Variants in TAFA2 observed in about 807,000 individuals in gnomAD.
The protein encoded by TAFA2 is TAFA chemokine like family member 2.
Under a neutral mutation model 18.8 loss-of-function variants are expected in TAFA2, and 7 were observed. The observed-to-expected ratio is 0.37, with a 90% CI of 0.21 to 0.70. TAFA2 has a LOEUF of 0.70. TAFA2 is among the 30% of genes least tolerant of loss of function. TAFA2 has a pLI of 0.53. For synonymous variants in TAFA2, 60 were observed against 54.2 expected (o/e 1.11, Z -0.47); for missense variants, 122 against 158.1 (o/e 0.77, Z 1.23).
chr12:61,895,567 GA>G (rs1185976730), intron 1 of TAFA2, among the ~76,000 whole-genome samples: 3 of 152,154 alleles, frequency 2.0e-5, no homozygotes, highest in Non-Finnish European at 4.4e-5. Context: ...GAGTTGGAGA[GA>G]ACAGTTCACA....
At position 62,235,879 on chromosome 12, in the gene TAFA2, G is replaced by A. The variant is rs144297877; in HGVS notation, c.-130+22884C>T. Among the ~76,000 whole-genome samples the A allele has an allele frequency of 3.6e-4, 55 of 151,896 alleles. No homozygotes were observed. The East Asian group carries it at 7.8e-3, about 21-fold the overall frequency. On this transcript the variant is annotated intron_variant, in intron 1 of 5. Coordinates refer to the TAFA2 transcript ENST00000551619. ...CTACGGGTTCATGGCACTGCACCCA[G>A]CCTATTATAGATTTTTTGCTTTGTT...
At chr12:61,971,501 AAAG>A (rs1333514389) in intron 1 of TAFA2, among the ~76,000 whole-genome samples, 2 of 151,334 alleles carry the variant, frequency 1.3e-5, no homozygotes, top group Non-Finnish European at 3.0e-5. Context: ...AAAAAGAAAA[AAAG>A]AAAATGTGGC....
intron 3 of TAFA2, among the ~76,000 whole-genome samples, chr12:61,754,232 G>A (rs550438787): frequency 6.6e-6 from 1 of 151,870 alleles, no homozygotes; most frequent in African/African-American, 2.4e-5. Flanking sequence ...GTTTATCAGA[G>A]TTATCATAAT....
chr12:62,163,504 C>A (rs930767037), intron 1 of TAFA2, among the ~76,000 whole-genome samples: 3 of 152,104 alleles, frequency 2.0e-5, no homozygotes, highest in Non-Finnish European at 4.4e-5. Context: ...CCAGAAGCAA[C>A]CATTGCTATC....
intron 1 of TAFA2, among the ~76,000 whole-genome samples, chr12:62,201,173 T>C (rs977589384): frequency 2.0e-5 from 3 of 152,206 alleles, no homozygotes; most frequent in East Asian, 1.9e-4. Flanking sequence ...TATAGGATCA[T>C]GTTATCTGCA....
chr12:61,917,051 C>T (rs1876849109), intron 1 of TAFA2, among the ~76,000 whole-genome samples: 1 of 152,082 alleles, frequency 6.6e-6, no homozygotes, highest in South Asian at 2.1e-4. Flanking sequence ...CATGTGAGAT[C>T]TCCCAGCCCC....
chr12:61,786,046 A>T (rs74518446), intron 2 of TAFA2, among the ~76,000 whole-genome samples: 6,924 of 151,606 alleles, frequency 0.046, 500 homozygotes, highest in African/African-American at 0.16. Context: ...AGAGGGCAGG[A>T]GTATTCAGCA....
intron 1 of TAFA2, chr12:61,890,220 G>A (rs1414240058): frequency 1.3e-5 from 2 of 152,212 alleles, no homozygotes; most frequent in Non-Finnish European, 2.9e-5. Context: ...GTCACTTTGT[G>A]GATTCCCACC....
intron 1 of TAFA2, among the ~76,000 whole-genome samples, chr12:62,110,340 G>A (rs1032766335): frequency 2.0e-4 from 30 of 152,116 alleles, no homozygotes; most frequent in African/African-American, 6.5e-4. Flanking sequence ...ACTTGATGGT[G>A]CTGGATAAGC....
chr12:61,764,122 C>A, intron 2 of TAFA2, among the ~76,000 whole-genome samples: 1 of 151,946 alleles, frequency 6.6e-6, no homozygotes, highest in East Asian at 1.9e-4. Context: ...AACAGTCACA[C>A]CTCCTACATT....
chr12:61,993,474 A>C (rs1880078373), intron 1 of TAFA2, among the ~76,000 whole-genome samples: 1 of 152,190 alleles, frequency 6.6e-6, no homozygotes, highest in Admixed American at 6.5e-5. Flanking sequence ...GTGGCGATTG[A>C]GAATGTTCAT....
At chr12:62,239,430 T>C (rs1171315938) in intron 1 of TAFA2, among the ~76,000 whole-genome samples, 1 of 152,194 alleles carries the variant, frequency 6.6e-6, no homozygotes, top group East Asian at 1.9e-4. Flanking sequence ...CAAAACATTA[T>C]AATACAAATC....
chr12:61,745,595 A>C (rs1868664305), intron 4 of TAFA2, among the ~76,000 whole-genome samples: 1 of 152,038 alleles, frequency 6.6e-6, no homozygotes, highest in African/African-American at 2.4e-5. Flanking sequence ...AACATCCAAC[A>C]TACTATATAT....
At chr12:61,789,228 C>T (rs1565634107) in intron 2 of TAFA2, among the ~76,000 whole-genome samples, 1 of 151,854 alleles carries the variant, frequency 6.6e-6, no homozygotes, top group Non-Finnish European at 1.5e-5. Flanking sequence ...ATGCCTATGT[C>T]CTGAATGGTA....
intron 1 of TAFA2, among the ~76,000 whole-genome samples, chr12:62,054,094 G>A (rs563720917): frequency 6.6e-6 from 1 of 152,298 alleles, no homozygotes; most frequent in Admixed American, 6.5e-5. Context: ...ACATGATACA[G>A]CTGTGTACTT....
chr12:61,951,325 T>C (rs1383570724), intron 1 of TAFA2, among the ~76,000 whole-genome samples: 2 of 152,164 alleles, frequency 1.3e-5, no homozygotes, highest in East Asian at 3.9e-4. Context: ...TTGAAAGATT[T>C]TGTAAAACAA....
chr12:61,781,645 A>T (rs1870509442), intron 2 of TAFA2, among the ~76,000 whole-genome samples: 1 of 151,620 alleles, frequency 6.6e-6, no homozygotes, highest in Non-Finnish European at 1.5e-5. Flanking sequence ...AAGACTAACA[A>T]TCCCTCATGA....
rs531979182 is a variant in TAFA2, at chr12:62,117,375, G to T, written c.-2+73884C>A. Reference sequence around the variant, plus strand: ...CAATAGTTTTAATTTTGCTATTCTAGAATGCTTCCAATTTTGTTTTCTAAA... The same window carrying T: ...CAATAGTTTTAATTTTGCTATTCTATAATGCTTCCAATTTTGTTTTCTAAA... On this transcript the variant is annotated intron_variant, in intron 1 of 4. Coordinates refer to ENST00000416284, the MANE Select transcript of TAFA2 (RefSeq NM_178539.5). Among the ~76,000 whole-genome samples, 7 of 152,060 alleles carry T rather than the reference G, an allele frequency of 4.6e-5. No individual in the cohort carries two copies. The East Asian group carries it at 1.2e-3, about 25-fold the overall frequency.
intron 1 of TAFA2, among the ~76,000 whole-genome samples, chr12:62,083,291 T>C (rs1468417136): frequency 6.6e-6 from 1 of 152,006 alleles, no homozygotes; most frequent in Non-Finnish European, 1.5e-5. Flanking sequence ...CTACAGTTTC[T>C]ATAAGTTTCT....
Sources: allele counts gnomAD v4.1 joint callset (sites outside exome capture counted in the v4.1 genomes callset), GRCh38; gene constraint gnomAD v4.1.1; transcripts MANE v1.5; gene names NCBI Gene and HGNC (gene_info 2026-07-23, HGNC 2026-07-21).